The following SYT14 variants were observed in gnomAD, a reference collection of about 807,000 sequenced individuals.
The protein encoded by SYT14 is synaptotagmin-14.
Under a neutral mutation model 74.2 loss-of-function variants are expected in SYT14, and 32 were observed. The observed-to-expected ratio is 0.43, with a 90% CI of 0.33 to 0.58. The LOEUF (loss-of-function observed/expected upper bound fraction) is 0.58. SYT14 is among the 20% of genes least tolerant of loss of function. The pLI is 0.05. For synonymous variants in SYT14, 298 were observed against 337.7 expected, an observed-to-expected ratio of 0.88 and a Z score of 1.29; for missense variants, 791 against 981.8, an observed-to-expected ratio of 0.81 and a Z score of 2.60.
Position 210,017,156 on chromosome 1 carries a change from T to G in SYT14, c.1096+57T>G, listed in dbSNP as rs2080202124. 6.9e-6 allele frequency: 8 copies of G among 1,154,486 alleles called. No homozygotes were observed. In the East Asian group the frequency reaches 2.6e-4, roughly 37 times the overall value. The allele number at this position is 1,154,486 out of a possible 1,614,324, so 71.5% of individuals were successfully genotyped here. On this transcript the variant is annotated intron_variant, in intron 4 of 9. Transcript: ENST00000637265. ...AAATTTTCTCTTGATTTTTTTTAAA[T>G]TAGTAAAACATCATCCAAATTTCTC...
chr1:210,093,803 A>T (rs2081920353), intron 5 of SYT14, among the ~76,000 whole-genome samples: 1 of 152,234 alleles, frequency 6.6e-6, no homozygotes, highest in African/African-American at 2.4e-5. Context: ...TCCAGGACAG[A>T]TGTAGAAAAA....
intron 4 of SYT14, among the ~76,000 whole-genome samples, chr1:210,019,448 C>T (rs180733450): frequency 6.6e-6 from 1 of 152,162 alleles, no homozygotes. Context: ...GGCTGTTGAG[C>T]ACTTCAAATG....
In SYT14 at chr1:210,094,276, G is replaced by A. The variant is rs558817227; in HGVS notation, c.1313-46G>A. The A allele has an allele frequency of 5.0e-6, 8 of 1,613,230 alleles. No homozygotes were observed. The African/African-American group carries it at 8.0e-5, about 16-fold the overall frequency. On this transcript the variant is annotated intron_variant, in intron 5 of 9. Transcript: ENST00000637265. ...ACAATTATTGTAGACTATACTGTGT[G>A]TTGAGGCTAATTGGAAACAGTGACC... is the stretch of plus-strand genomic sequence containing the variant.
In SYT14 at chr1:210,049,289, T is replaced by A. The variant is rs112353515; in HGVS notation, c.1312+28035T>A. 6.4e-3 allele frequency among the ~76,000 whole-genome samples: 980 copies of A among 152,166 alleles called. 5 individuals are homozygous for A. The highest frequency in any genetic ancestry group is 9.7e-3 in the Non-Finnish European group (660 of 68,002). ...CCTTCTGCCCTGCCCTAGCAGAGGATCTCCATGAGAGCCCCACCTCTGCAG... is the reference window on the plus strand; with the variant it reads ...CCTTCTGCCCTGCCCTAGCAGAGGAACTCCATGAGAGCCCCACCTCTGCAG... On this transcript the variant is annotated intron_variant, in intron 5 of 9. Coordinates refer to ENST00000637265, the Ensembl canonical transcript of SYT14.
intron 5 of SYT14, among the ~76,000 whole-genome samples, chr1:210,023,631 C>T (rs1334557191): frequency 2.6e-5 from 4 of 152,074 alleles, no homozygotes; most frequent in Non-Finnish European, 4.4e-5. Flanking sequence ...CATGAGCCAC[C>T]GTGCCCAGCT....
At chr1:210,152,570 C>G (rs940673083) in intron 7 of SYT14, among the ~76,000 whole-genome samples, 2 of 152,058 alleles carry the variant, frequency 1.3e-5, no homozygotes, top group African/African-American at 4.8e-5. Context: ...TCTTGCAAAA[C>G]CCAACACACA....
intron 5 of SYT14, among the ~76,000 whole-genome samples, chr1:210,060,645 T>TA (rs1370566410): frequency 7.9e-5 from 12 of 152,082 alleles, no homozygotes; most frequent in Admixed American, 7.9e-4. Context: ...TATGGAAATT[T>TA]AAAGGGAAAC....
chr1:210,110,007 T>G (rs1435876987), intron 7 of SYT14, among the ~76,000 whole-genome samples: 1 of 152,024 alleles, frequency 6.6e-6, no homozygotes, highest in Non-Finnish European at 1.5e-5. Context: ...CTCAGCAAAC[T>G]AACACAGGAA....
intron 7 of SYT14, among the ~76,000 whole-genome samples, chr1:210,142,744 C>T (rs2082943481): frequency 6.6e-6 from 1 of 151,862 alleles, no homozygotes; most frequent in Non-Finnish European, 1.5e-5. Flanking sequence ...CCTGTGCCTG[C>T]TCTCTGCACC....
intron 5 of SYT14, among the ~76,000 whole-genome samples, chr1:210,090,276 A>G (rs1459491129): frequency 3.3e-5 from 5 of 152,150 alleles, no homozygotes; most frequent in Non-Finnish European, 5.9e-5. Flanking sequence ...CATTTAGAAA[A>G]CATCCTCTTC....
intron 8 of SYT14, 106 bp downstream of exon 7, chr1:210,156,016 A>G: frequency 3.0e-6 from 3 of 1,010,606 alleles, no homozygotes; most frequent in Non-Finnish European, 4.5e-6. Flanking sequence ...TCAAAATGAA[A>G]TGGTGTAATC....
intron 5 of SYT14, among the ~76,000 whole-genome samples, chr1:210,093,818 T>C (rs1219708165): frequency 1.3e-5 from 2 of 152,210 alleles, no homozygotes; most frequent in Admixed American, 6.5e-5. Flanking sequence ...GAAAAACATT[T>C]CTGACACTGC....
chr1:210,157,924 CT>C (rs2083300390), intron 8 of SYT14, among the ~76,000 whole-genome samples: 1 of 152,044 alleles, frequency 6.6e-6, no homozygotes, highest in Non-Finnish European at 1.5e-5. Flanking sequence ...AAGCTTGCTT[CT>C]TACATGTATC....
chr1:209,990,527 A>ATATATATATACGTATATGTG (rs1553262317), intron 2 of SYT14, among the ~76,000 whole-genome samples: 1 of 12,818 alleles, frequency 7.8e-5, no homozygotes, highest in Non-Finnish European at 2.3e-4. Flanking sequence ...TATTTCACAT[A>ATATATATATACGTATATGTG]TATATATATA....
chr1:209,976,776 C>T (rs568867045), intron 2 of SYT14, among the ~76,000 whole-genome samples: 2 of 152,192 alleles, frequency 1.3e-5, no homozygotes, highest in African/African-American at 2.4e-5. Flanking sequence ...TTTCTGTCTT[C>T]GTTGATCTGT....
At chr1:209,955,386 CTAACT>C (rs1053191217) in intron 2 of SYT14, among the ~76,000 whole-genome samples, 1 of 152,200 alleles carries the variant, frequency 6.6e-6, no homozygotes, top group African/African-American at 2.4e-5. Flanking sequence ...TACGCAACTC[CTAACT>C]TAAGAATCAT....
chr1:210,000,158 T>C (rs2079868173), intron 2 of SYT14, among the ~76,000 whole-genome samples: 1 of 152,224 alleles, frequency 6.6e-6, no homozygotes, highest in Non-Finnish European at 1.5e-5. Flanking sequence ...TGTATATGTA[T>C]ATATTTACTG....
rs552822691 is a variant in SYT14, at chr1:210,152,884, G to GT, written c.2035-2829dup. On this transcript the variant is annotated intron_variant, in intron 7 of 9. Coordinates refer to ENST00000637265, the Ensembl canonical transcript of SYT14. ...TTTGGGTTGTTTGATTTTTTTGTTTGTTTTTTTTACTTTACATAAATGGAA... is the reference window on the plus strand; with the variant it reads ...TTTGGGTTGTTTGATTTTTTTGTTTGTTTTTTTTTACTTTACATAAATGGAA... 4.3e-3 allele frequency among the ~76,000 whole-genome samples: 655 copies of GT among 151,586 alleles called. 6 individuals carry two copies. The highest frequency in any genetic ancestry group is 0.014 in the African/African-American group (593 of 41,310).
chr1:210,160,958 A>G, exon 10 of SYT14: 1 of 1,614,028 alleles, frequency 6.2e-7, no homozygotes, highest in Non-Finnish European at 8.5e-7. Context: ...ACAGCTCTGG[A>G]GAAGAAGAAC....
Sources: allele counts gnomAD v4.1 joint callset (sites outside exome capture counted in the v4.1 genomes callset), GRCh38; gene constraint gnomAD v4.1.1; transcripts MANE v1.5; gene names NCBI Gene and HGNC (gene_info 2026-07-23, HGNC 2026-07-21).